Variants in CILK1 observed in about 807,000 individuals in gnomAD.
The protein encoded by CILK1 is ciliogenesis associated kinase 1.
A neutral mutation model predicts 79.2 loss-of-function variants in CILK1; 47 were observed. The observed-to-expected ratio is 0.59, with a 90% CI of 0.47 to 0.76. The LOEUF (loss-of-function observed/expected upper bound fraction) is 0.76, where lower values mean the gene tolerates loss of function less well. Among genes scored for constraint, CILK1 ranks in the 30% least tolerant of loss-of-function variants. The pLI, the probability that CILK1 is intolerant of heterozygous loss-of-function variation, is 0.00. For synonymous variants in CILK1, 266 were observed against 275.9 expected (o/e 0.96, Z 0.36); for missense variants, 660 against 769.5 (o/e 0.86, Z 1.68).
intron 1 of CILK1, among the ~76,000 whole-genome samples, chr6:53,048,233 G>A (rs1159982069): frequency 6.6e-6 from 1 of 152,194 alleles, no homozygotes; most frequent in Non-Finnish European, 1.5e-5. Flanking sequence ...CTAAATGAAA[G>A]TACAAGAAGG....
chr6:53,011,555 C>T (rs544598194), intron 11 of CILK1, among the ~76,000 whole-genome samples: 5 of 152,176 alleles, frequency 3.3e-5, no homozygotes, highest in Non-Finnish European at 5.9e-5. Flanking sequence ...GCCAAGATGG[C>T]GCCATTGCAC....
At chr6:53,022,917 C>G (rs758934944) in intron 5 of CILK1, among the ~76,000 whole-genome samples, 1 of 151,560 alleles carries the variant, frequency 6.6e-6, no homozygotes, top group South Asian at 2.1e-4. Context: ...TGAGCTCTAT[C>G]AACTTCAGGT....
chr6:53,009,611 A>G, intron 11 of CILK1, 44 bp from the exon 12 acceptor site: 1 of 1,475,210 alleles, frequency 6.8e-7, no homozygotes, highest in Non-Finnish European at 9.5e-7. Flanking sequence ...TACACAATGA[A>G]TCTTACACTA....
chr6:53,015,157 C>A (rs1357328693), intron 8 of CILK1, among the ~76,000 whole-genome samples: 1 of 152,194 alleles, frequency 6.6e-6, no homozygotes, highest in Non-Finnish European at 1.5e-5. Flanking sequence ...CTTCAAATAT[C>A]CTCATCACTC....
intron 5 of CILK1, among the ~76,000 whole-genome samples, chr6:53,019,832 G>GT (rs11308649): frequency 0.042 from 5,844 of 140,024 alleles, 153 homozygotes; most frequent in Middle Eastern, 0.14. Context: ...TAGTTTTTTT[G>GT]TTTTTTTTTT....
chr6:53,055,684 C>T (rs1311013351), intron 1 of CILK1, among the ~76,000 whole-genome samples: 2 of 152,184 alleles, frequency 1.3e-5, no homozygotes, highest in Non-Finnish European at 2.9e-5. Flanking sequence ...TCGTCCTGCA[C>T]TAGGTCCTTA....
intron 3 of CILK1, among the ~76,000 whole-genome samples, chr6:53,035,938 G>A (rs1307114374): frequency 2.0e-5 from 3 of 151,866 alleles, no homozygotes; most frequent in Non-Finnish European, 4.4e-5. Context: ...TGCTAAGTCT[G>A]TGTGAGGCCC....
At chr6:53,038,058 G>A in intron 2 of CILK1, 65 bp from the exon 3 acceptor site, 1 of 1,085,316 alleles carries the variant, frequency 9.2e-7, no homozygotes, top group African/African-American at 1.6e-5. Flanking sequence ...TTTGCTTTTA[G>A]AAAAATGCTT....
At chr6:53,014,308 C>T (rs1764766924) in intron 8 of CILK1, among the ~76,000 whole-genome samples, 1 of 152,152 alleles carries the variant, frequency 6.6e-6, no homozygotes, top group South Asian at 2.1e-4. Flanking sequence ...AGTATTTCAT[C>T]CTTCCAAGCC....
At chr6:53,038,076 G>T in intron 2 of CILK1, 83 bp from the exon 3 acceptor site, 1 of 889,550 alleles carries the variant, frequency 1.1e-6, no homozygotes, top group Non-Finnish European at 1.9e-6. Flanking sequence ...CTTCCATTCT[G>T]ATCCTAATTA....
Position 53,048,137 on chromosome 6 carries a change from A to C in CILK1, c.-172-6729T>G, listed in dbSNP as rs55693472. On this transcript the variant is annotated intron_variant, in intron 1 of 13. Transcript: ENST00000676107. Reference sequence around the variant, plus strand: ...AATAAGGCAGCCTGTGTTCAGAATAAGGAATGCAATAGTCCCATCACATCC... The same window carrying C: ...AATAAGGCAGCCTGTGTTCAGAATACGGAATGCAATAGTCCCATCACATCC... 7.7e-3 allele frequency among the ~76,000 whole-genome samples: 1,166 copies of C among 152,330 alleles called. 12 individuals carry two copies. The highest frequency in any genetic ancestry group is 0.012 in the Admixed American group (180 of 15,296).
chr6:53,044,471 T>C (rs897798815), intron 1 of CILK1, among the ~76,000 whole-genome samples: 1 of 152,204 alleles, frequency 6.6e-6, no homozygotes, highest in South Asian at 2.1e-4. Context: ...AGTAAGAATA[T>C]AGTTTCATTC....
At chr6:53,054,496 A>G (rs2127469320) in intron 1 of CILK1, 1 of 152,356 alleles carries the variant, frequency 6.6e-6, no homozygotes, top group African/African-American at 2.4e-5. Flanking sequence ...TTTGTCATAC[A>G]CAAAACAAAG....
chr6:53,005,039 G>T lies in CILK1; in HGVS notation c.*110C>A. On this transcript the variant is annotated 3_prime_UTR_variant, in exon 14 of 14. Transcript: ENST00000676107. ...CTTAGTTCAGAAGAATAACTATAAA[G>T]TGTTGATTTGCTTTTATGCCCTCTG... is the stretch of plus-strand genomic sequence containing the variant. 1 of 1,206,898 alleles carries T rather than the reference G, an allele frequency of 8.3e-7. No homozygotes were observed. Among genetic ancestry groups the T allele is most frequent in the East Asian group, 2.3e-5 (1 of 42,834 alleles). 74.8% of individuals were successfully genotyped at this position (1,206,898 alleles called of 1,614,324 possible). A position where few individuals can be genotyped will look rare whatever the true frequency, so the allele number is the denominator to read the frequency against.
At chr6:53,011,525 G>A (rs1764568313) in intron 11 of CILK1, among the ~76,000 whole-genome samples, 1 of 152,152 alleles carries the variant, frequency 6.6e-6, no homozygotes, top group Non-Finnish European at 1.5e-5. Context: ...CTTGAACCCA[G>A]GAGGTGGAGG....
At chr6:53,036,508 C>T (rs757171701) in intron 3 of CILK1, among the ~76,000 whole-genome samples, 25 of 152,136 alleles carry the variant, frequency 1.6e-4, no homozygotes, top group Non-Finnish European at 2.8e-4. Context: ...CTCCACTTCC[C>T]GGGTTCCAGC....
At chr6:53,052,176 G>C (rs1767526963) in intron 1 of CILK1, 1 of 152,142 alleles carries the variant, frequency 6.6e-6, no homozygotes, top group South Asian at 2.1e-4. Flanking sequence ...TCCTGTGTTA[G>C]TTTGCTGAGG....
chr6:53,010,068 C>T (rs1764477099), intron 11 of CILK1, among the ~76,000 whole-genome samples: 1 of 152,208 alleles, frequency 6.6e-6, no homozygotes, highest in Non-Finnish European at 1.5e-5. Context: ...TTATCCTTCT[C>T]CTTCTTCCCC....
chr6:53,058,004 A>G (rs945702529), intron 1 of CILK1, among the ~76,000 whole-genome samples: 5 of 152,182 alleles, frequency 3.3e-5, no homozygotes, highest in African/African-American at 1.2e-4. Flanking sequence ...ACATGTCAAC[A>G]TATGTTGGAT....
Sources: allele counts gnomAD v4.1 joint callset (sites outside exome capture counted in the v4.1 genomes callset), GRCh38; gene constraint gnomAD v4.1.1; transcripts MANE v1.5; gene names NCBI Gene and HGNC (gene_info 2026-07-23, HGNC 2026-07-21).